Variants in DPYS observed in about 807,000 individuals in gnomAD.
DPYS encodes dihydropyrimidinase, also known as dihydropyrimidine amidohydrolase.
DPYS carries 39 observed loss-of-function variants against 50.3 expected under a neutral mutation model. The observed-to-expected ratio is 0.78, with a 90% CI of 0.60 to 1.01. DPYS has a LOEUF of 1.01. Among genes scored for constraint, DPYS ranks in the 50% least tolerant of loss-of-function variants. DPYS has a pLI of 0.00. For missense variants in DPYS, 659 were observed against 680.9 expected (o/e 0.97, Z 0.36); for synonymous variants, 245 against 250.7 (o/e 0.98, Z 0.22).
intron 4 of DPYS, among the ~76,000 whole-genome samples, chr8:104,435,053 T>TA (rs1441028526): frequency 1.1e-4 from 16 of 152,208 alleles, no homozygotes; most frequent in Non-Finnish European, 2.1e-4. Context: ...TTCATGAGCC[T>TA]ACAGGTTCTA....
At chr8:104,456,795 C>T (rs1813941028) in intron 1 of DPYS, among the ~76,000 whole-genome samples, 2 of 152,146 alleles carry the variant, frequency 1.3e-5, no homozygotes, top group Admixed American at 1.3e-4. Flanking sequence ...CCTTGTAAAC[C>T]TTCCAGTTTA....
intron 4 of DPYS, among the ~76,000 whole-genome samples, chr8:104,441,909 G>A (rs1813368597): frequency 6.6e-6 from 1 of 152,126 alleles, no homozygotes; most frequent in Admixed American, 6.6e-5. Flanking sequence ...TATCTAATGT[G>A]GGCTGACCTT....
rs1813573630 is a variant in DPYS, at chr8:104,447,415, G to A, written c.512C>T (p.Thr171Ile). Residue 171 changes from threonine (T) to isoleucine (I), a missense_variant, in exon 3 of 10, where the codon ACA (threonine) becomes ATA (isoleucine). Coordinates refer to ENST00000351513, the MANE Select transcript of DPYS (RefSeq NM_001385.3). ...GAAGGCTTCGTACAGCTCCAGGTCT[G>A]TCACCATGTACAGATCTTTATAGGC... ...FMAYKDLYMV[T>I]DLELYEAFSR... 1 of 1,613,776 alleles carries A rather than the reference G, an allele frequency of 6.2e-7. No individual in the cohort carries two copies. Among genetic ancestry groups the A allele is most frequent in the Admixed American group, 1.7e-5 (1 of 59,968 alleles).
In DPYS at chr8:104,447,405, C is replaced by T. The variant is rs1286475617; in HGVS notation, c.522G>A (p.Glu174=). The T allele has an allele frequency of 1.9e-6, 3 of 1,613,970 alleles. No homozygotes were observed. The African/African-American group carries it at 4.0e-5, about 22-fold the overall frequency. ...YKDLYMVTDL[E]LYEAFSRCKE... The stretch of plus-strand genomic sequence containing the variant: ...TGCACCGAGAGAAGGCTTCGTACAG[C>T]TCCAGGTCTGTCACCATGTACAGAT... The change falls in exon 3 of 10, where the codon GAG becomes GAA. Residue 174 remains glutamate (E), a synonymous_variant. Transcript: ENST00000351513.
intron 7 of DPYS, among the ~76,000 whole-genome samples, chr8:104,416,394 C>T (rs1424159997): frequency 3.9e-5 from 6 of 152,198 alleles, no homozygotes; most frequent in Non-Finnish European, 8.8e-5. Context: ...TGAACCACCT[C>T]AGCCAGCAGC....
At chr8:104,431,544 T>A (rs1193282587) in intron 4 of DPYS, among the ~76,000 whole-genome samples, 1 of 151,956 alleles carries the variant, frequency 6.6e-6, no homozygotes, top group Non-Finnish European at 1.5e-5. Context: ...CTAAAAAGCA[T>A]GCAAGAACTA....
chr8:104,447,251 T>C, intron 3 of DPYS, 73 bp downstream of exon 3: 1 of 1,563,656 alleles, frequency 6.4e-7, no homozygotes, highest in Admixed American at 1.7e-5. Context: ...TTTACCTATG[T>C]AGGCCCAATC....
chr8:104,460,172 A>T (rs13249169), intron 1 of DPYS, among the ~76,000 whole-genome samples: 13,229 of 152,228 alleles, frequency 0.087, 678 homozygotes, highest in South Asian at 0.11. Flanking sequence ...GGAAACCTTG[A>T]TTTCTAGACT....
At chr8:104,433,808 G>A (rs1322816739) in intron 4 of DPYS, among the ~76,000 whole-genome samples, 2 of 152,176 alleles carry the variant, frequency 1.3e-5, no homozygotes, top group Non-Finnish European at 1.5e-5. Flanking sequence ...TACTTGGGAA[G>A]AGAGGGGCCA....
intron 7 of DPYS, among the ~76,000 whole-genome samples, chr8:104,418,501 C>G (rs1429360950): frequency 2.0e-5 from 3 of 152,192 alleles, no homozygotes; most frequent in Non-Finnish European, 4.4e-5. Flanking sequence ...AAGGTGAACT[C>G]TATTTAAAAT....
intron 7 of DPYS, among the ~76,000 whole-genome samples, chr8:104,410,200 T>C (rs929950235): frequency 6.6e-6 from 1 of 152,108 alleles, no homozygotes; most frequent in African/African-American, 2.4e-5. Context: ...ACTCCTTTTT[T>C]CCCCCATTTT....
rs971280531 is a variant in DPYS at position 104,426,549 on chromosome 8, T to A, written c.1092+1431A>T. 2.6e-5 allele frequency among the ~76,000 whole-genome samples: 4 copies of A among 152,310 alleles called. No homozygotes were observed. The South Asian group carries it at 6.2e-4, about 24-fold the overall frequency. On this transcript the variant is annotated intron_variant, in intron 6 of 9. Transcript: ENST00000351513. Reference sequence around the variant, plus strand: ...AAAATTGACAAGACTTGGTGAATAATTCATTAGAGTTAGAAGTAGGTGGTA... The same window carrying A: ...AAAATTGACAAGACTTGGTGAATAAATCATTAGAGTTAGAAGTAGGTGGTA...
chr8:104,466,975 G>A lies in DPYS; in HGVS notation c.-55C>T. On this transcript the variant is annotated 5_prime_UTR_variant, in exon 1 of 10. Transcript: ENST00000351513. ...CCGGGCTGCGCGCAGGGGCTGGGTT[G>A]GGCGGGCCGGGCGGGCTTGGGGTGC... The A allele has an allele frequency of 7.5e-7, 1 of 1,341,104 alleles. No homozygotes were observed. Among genetic ancestry groups the A allele is most frequent in the Non-Finnish European group, 9.6e-7 (1 of 1,043,732 alleles). 83.1% of individuals were successfully genotyped at this position (1,341,104 alleles called of 1,614,324 possible). A position where few individuals can be genotyped will look rare whatever the true frequency, so the allele number is the denominator to read the frequency against.
chr8:104,414,287 C>G (rs1195321774), intron 7 of DPYS, among the ~76,000 whole-genome samples: 1 of 152,144 alleles, frequency 6.6e-6, no homozygotes, highest in Admixed American at 6.5e-5. Flanking sequence ...AAAGTGTTAT[C>G]TAATTTTATG....
chr8:104,405,880 G>A (rs1411725093), intron 7 of DPYS, among the ~76,000 whole-genome samples: 4 of 152,274 alleles, frequency 2.6e-5, no homozygotes, highest in Admixed American at 1.3e-4. Context: ...GCCCGCCACA[G>A]CCAGATGCTC....
chr8:104,453,068 C>T (rs990239447), intron 1 of DPYS, among the ~76,000 whole-genome samples: 16 of 152,216 alleles, frequency 1.1e-4, no homozygotes, highest in Middle Eastern at 3.4e-3. Context: ...CCAGATACAC[C>T]GGATGCCCTC....
chr8:104,417,356 C>T (rs1416554692), intron 7 of DPYS, among the ~76,000 whole-genome samples: 2 of 152,212 alleles, frequency 1.3e-5, no homozygotes, highest in African/African-American at 2.4e-5. Context: ...ACATGACTTA[C>T]TGCTGCAGCT....
At chr8:104,404,607 T>G (rs1052004569) in intron 7 of DPYS, among the ~76,000 whole-genome samples, 1 of 152,240 alleles carries the variant, frequency 6.6e-6, no homozygotes, top group African/African-American at 2.4e-5. Context: ...AAAGGCTCCT[T>G]GGTGTGAACT....
rs774544043 is a variant in DPYS at position 104,429,625 on chromosome 8, G to A, written c.870C>T (p.His290=). Residue 290 remains histidine, a synonymous_variant, in exon 5 of 10, where the codon CAC becomes CAT. Transcript: ENST00000351513. ...GACCCATGACATGGTGGGCTGCATG[G>A]TGCCATTCTTTATTCCAGTAGTGAG... ...DGTHYWNKEW[H]HAAHHVMGPP... 4.3e-6 allele frequency: 7 copies of A among 1,614,158 alleles called. No homozygotes were observed. Among genetic ancestry groups the A allele is most frequent in the Non-Finnish European group, 5.9e-6 (7 of 1,180,028 alleles).
Sources: allele counts gnomAD v4.1 joint callset (sites outside exome capture counted in the v4.1 genomes callset), GRCh38; gene constraint gnomAD v4.1.1; transcripts MANE v1.5; gene names NCBI Gene and HGNC (gene_info 2026-07-23, HGNC 2026-07-21).